EPB41L5: variants seen among roughly 807,000 people sequenced by gnomAD.
EPB41L5 encodes band 4.1-like protein 5.
A neutral mutation model predicts 106.6 loss-of-function variants in EPB41L5; 55 were observed. That is an observed-to-expected ratio of 0.52 (90% confidence interval 0.42 to 0.65). The LOEUF is 0.65. Among genes scored for constraint, EPB41L5 ranks in the 30% least tolerant of loss-of-function variants. The pLI is 0.00. For synonymous variants in EPB41L5, 297 were observed against 306.7 expected (o/e 0.97, Z 0.33); for missense variants, 871 against 882.1 (o/e 0.99, Z 0.16).
chr2:120,116,118 A>T (rs1386630579), intron 16 of EPB41L5, among the ~76,000 whole-genome samples: 1 of 152,090 alleles, frequency 6.6e-6, no homozygotes, highest in Non-Finnish European at 1.5e-5. Flanking sequence ...GCCTACAATT[A>T]ACATTTTAAT....
At chr2:120,075,151 T>G (rs949535201) in intron 5 of EPB41L5, among the ~76,000 whole-genome samples, 1 of 152,210 alleles carries the variant, frequency 6.6e-6, no homozygotes, top group Non-Finnish European at 1.5e-5. Context: ...ACTTCTAAGA[T>G]CTAGTGTTAG....
At chr2:120,168,220 A>G (rs1327447446) in intron 24 of EPB41L5, among the ~76,000 whole-genome samples, 1 of 152,186 alleles carries the variant, frequency 6.6e-6, no homozygotes, top group Non-Finnish European at 1.5e-5. Context: ...TTCTTTATCA[A>G]GTCTTTGCTA....
chr2:120,171,491 T>C (rs1042056715), intron 24 of EPB41L5, among the ~76,000 whole-genome samples: 2 of 152,200 alleles, frequency 1.3e-5, no homozygotes, highest in African/African-American at 2.4e-5. Context: ...GAATTTCCAT[T>C]TGGAGTAAGG....
intron 16 of EPB41L5, among the ~76,000 whole-genome samples, chr2:120,124,561 A>C (rs1185001146): frequency 6.6e-6 from 1 of 152,206 alleles, no homozygotes; most frequent in Admixed American, 6.5e-5. Flanking sequence ...CTTTTGCATG[A>C]ATCTCCAAAA....
chr2:120,043,211 G>A (rs1027427190), intron 3 of EPB41L5, among the ~76,000 whole-genome samples: 2 of 151,904 alleles, frequency 1.3e-5, no homozygotes, highest in Non-Finnish European at 2.9e-5. Flanking sequence ...AAATTTTGGC[G>A]CATCCTTGAA....
intron 7 of EPB41L5, among the ~76,000 whole-genome samples, chr2:120,076,472 T>A (rs1162333086): frequency 1.4e-5 from 1 of 73,500 alleles, no homozygotes; most frequent in Admixed American, 1.1e-4. Context: ...TTTTTGTACT[T>A]TTTTTTTTTT....
chr2:120,070,262 C>T (rs1681765966), intron 3 of EPB41L5, among the ~76,000 whole-genome samples: 1 of 151,798 alleles, frequency 6.6e-6, no homozygotes, highest in South Asian at 2.1e-4. Context: ...ACACATATAC[C>T]CTCCCAAGAC....
At chr2:120,026,490 TC>T (rs1678325874) in intron 2 of EPB41L5, among the ~76,000 whole-genome samples, 1 of 152,190 alleles carries the variant, frequency 6.6e-6, no homozygotes, top group Non-Finnish European at 1.5e-5. Context: ...TGCCTCAGCC[TC>T]CGGAGTAGCT....
chr2:120,168,766 A>G (rs1434363375), intron 24 of EPB41L5, among the ~76,000 whole-genome samples: 1 of 152,236 alleles, frequency 6.6e-6, no homozygotes, highest in African/African-American at 2.4e-5. Flanking sequence ...TCAAAGTAGC[A>G]TATTACTCAG....
intron 21 of EPB41L5, among the ~76,000 whole-genome samples, chr2:120,164,174 G>A (rs2105547813): frequency 6.6e-6 from 1 of 151,714 alleles, no homozygotes; most frequent in Admixed American, 6.6e-5. Context: ...AGTAGAGACG[G>A]AGTTTCACCG....
In EPB41L5 at chr2:120,075,442, G is replaced by A. The variant is rs1407634956; in HGVS notation, c.408-34G>A. 8 of 1,491,832 alleles carry A rather than the reference G, an allele frequency of 5.4e-6. 1 individual carries two copies. The highest frequency in any genetic ancestry group is 6.5e-6 in the Non-Finnish European group (7 of 1,073,880). The allele number at this position is 1,491,832 out of a possible 1,614,324, so 92.4% of individuals were successfully genotyped here. A position where few individuals can be genotyped will look rare whatever the true frequency, so the allele number is the denominator to read the frequency against. On this transcript the variant is annotated intron_variant, in intron 5 of 24. Coordinates refer to ENST00000263713, the MANE Select transcript of EPB41L5 (RefSeq NM_020909.4). ...ATTTTTTTTCACAGTCGATTGTGCT[G>A]TTGGGTTAAATTTGTGCCTTTCATT... is the stretch of plus-strand genomic sequence containing the variant.
At chr2:120,169,545 G>A (rs1479965120) in intron 24 of EPB41L5, among the ~76,000 whole-genome samples, 5 of 152,128 alleles carry the variant, frequency 3.3e-5, no homozygotes, top group Non-Finnish European at 7.4e-5. Context: ...TATTATGGAA[G>A]GGGAAGCCAC....
chr2:120,051,231 C>T (rs541839238), intron 3 of EPB41L5, among the ~76,000 whole-genome samples: 35 of 152,306 alleles, frequency 2.3e-4, no homozygotes, highest in South Asian at 4.1e-4. Flanking sequence ...GCCGTTTATT[C>T]GGCTATGCCC....
At chr2:120,074,079 T>C (rs1384710131) in intron 4 of EPB41L5, 21 bp from the exon 5 acceptor site, 4 of 368,522 alleles carry the variant, frequency 1.1e-5, no homozygotes, top group South Asian at 6.8e-5. Flanking sequence ...TATTAAAACC[T>C]TTTTTTTTTT....
At chr2:120,045,042 A>G (rs1679670340) in intron 3 of EPB41L5, among the ~76,000 whole-genome samples, 1 of 152,202 alleles carries the variant, frequency 6.6e-6, no homozygotes, top group Admixed American at 6.5e-5. Flanking sequence ...TCAGAATGAA[A>G]TGAAACCAAA....
At chr2:120,104,943 T>TG in intron 16 of EPB41L5, 3 of 977,206 alleles carry the variant, frequency 3.1e-6, no homozygotes, top group Non-Finnish European at 3.6e-6. Flanking sequence ...GTTAACTGAA[T>TG]GGTTACATTA....
intron 2 of EPB41L5, among the ~76,000 whole-genome samples, chr2:120,034,510 G>A (rs930503768): frequency 6.6e-6 from 1 of 152,144 alleles, no homozygotes; most frequent in African/African-American, 2.4e-5. Flanking sequence ...GAAATATTTT[G>A]TAGTGTAGAA....
intron 22 of EPB41L5, among the ~76,000 whole-genome samples, chr2:120,165,528 C>T (rs1180458348): frequency 6.6e-6 from 1 of 152,134 alleles, no homozygotes; most frequent in Non-Finnish European, 1.5e-5. Flanking sequence ...GAATAAAAGC[C>T]TGCACATGTT....
At chr2:120,041,242 G>A (rs1390765993) in intron 2 of EPB41L5, among the ~76,000 whole-genome samples, 1 of 152,086 alleles carries the variant, frequency 6.6e-6, no homozygotes, top group Non-Finnish European at 1.5e-5. Context: ...TGGTTTAATA[G>A]AAGGTACTTG....
Sources: allele counts gnomAD v4.1 joint callset (sites outside exome capture counted in the v4.1 genomes callset), GRCh38; gene constraint gnomAD v4.1.1; transcripts MANE v1.5; gene names NCBI Gene and HGNC (gene_info 2026-07-23, HGNC 2026-07-21).